TRIM69: variants seen among roughly 807,000 people sequenced by gnomAD.
TRIM69 encodes the protein E3 ubiquitin-protein ligase TRIM69.
In TRIM69, 29 loss-of-function variants were observed where a neutral mutation model predicts 37.7. That is an observed-to-expected ratio of 0.77 (90% CI 0.57 to 1.05). The LOEUF is 1.05. Among genes scored for constraint, TRIM69 ranks in the 50% least tolerant of loss-of-function variants. The probability of loss-of-function intolerance (pLI) is 0.00; values close to 1 mark genes in which losing one functional copy is unlikely to be tolerated. For missense variants in TRIM69, 596 were observed against 579.9 expected (o/e 1.03, Z -0.28); for synonymous variants, 209 against 212.4 (o/e 0.98, Z 0.14).
rs144379917 is a variant in TRIM69, at chr15:44,755,033, G to C, written c.140G>C (p.Trp47Ser). The C allele has an allele frequency of 9.3e-6, 15 of 1,614,210 alleles. No homozygotes were observed. Among genetic ancestry groups the C allele is most frequent in the Non-Finnish European group, 1.3e-5 (15 of 1,180,020 alleles). ...MELHCPLCND[W>S]FRDPLMLSCG... is the part of the protein sequence containing the mutation. ...CTACACTGCCCTCTGTGCAATGATT[G>C]GTTCCGAGACCCACTGATGCTAAGC... The change falls in exon 2 of 7, where the codon TGG (tryptophan) becomes TCG (serine). Residue 47 changes from tryptophan to serine, a missense_variant. Trp to Ser is a radical substitution (Grantham distance 177). Transcript: ENST00000329464.
In TRIM69 at chr15:44,759,860, ACT is replaced by A; in HGVS notation, c.954_955del (p.Cys319ProfsTer11). ...QYMVWREMQD[T>X]LCPGLSPLTL... The stretch of plus-strand genomic sequence containing the variant: ...CATGGTATGGAGGGAAATGCAGGAC[ACT>A]CTCTGCCCAGGTATCAGTGGGTAGT... On this transcript the variant is annotated frameshift_variant, in exon 6 of 7. Coordinates refer to ENST00000329464, the MANE Select transcript of TRIM69 (RefSeq NM_182985.5). LOFTEE classifies it low-confidence loss of function (END_TRUNC). The A allele has an allele frequency of 6.2e-7, 1 of 1,612,506 alleles. No homozygotes were observed. Among genetic ancestry groups the A allele is most frequent in the Non-Finnish European group, 8.5e-7 (1 of 1,178,768 alleles).
chr15:44,751,124 T>G (rs1310731402), intron 1 of TRIM69, among the ~76,000 whole-genome samples: 2 of 150,690 alleles, frequency 1.3e-5, no homozygotes, highest in Non-Finnish European at 3.0e-5. Context: ...CTAACTTTTT[T>G]TTTTCTTTTT....
At chr15:44,744,281 G>A (rs2087355258) in intron 1 of TRIM69, among the ~76,000 whole-genome samples, 1 of 124,576 alleles carries the variant, frequency 8.0e-6, no homozygotes, top group African/African-American at 3.1e-5. Flanking sequence ...ACAGGAAGGG[G>A]AACATCACAC....
At chr15:44,754,827 T>C (rs1450693635) in intron 1 of TRIM69, 73 bp from the exon 2 acceptor site, 2 of 1,135,042 alleles carry the variant, frequency 1.8e-6, no homozygotes, top group African/African-American at 1.5e-5. Flanking sequence ...CCTTTAGGAA[T>C]GGCGCCATCA....
intron 6 of TRIM69, among the ~76,000 whole-genome samples, chr15:44,764,573 C>A (rs1019201851): frequency 6.6e-6 from 1 of 152,156 alleles, no homozygotes. Context: ...GTTGCTGCTA[C>A]TTAACTCTGC....
At chr15:44,756,255 T>G (rs767453521) in intron 2 of TRIM69, 113 bp from the exon 3 acceptor site, 27 of 678,374 alleles carry the variant, frequency 4.0e-5, no homozygotes, top group Non-Finnish European at 6.9e-5. Context: ...AAGGGGAAGA[T>G]TTTTGCAGCA....
At chr15:44,738,143 C>G (rs1344953643) in intron 1 of TRIM69, among the ~76,000 whole-genome samples, 1 of 150,816 alleles carries the variant, frequency 6.6e-6, no homozygotes, top group Non-Finnish European at 1.5e-5. Flanking sequence ...ACTGCAACCT[C>G]CGCTTCCAGG....
At chr15:44,760,154 T>G (rs2087746053) in intron 6 of TRIM69, among the ~76,000 whole-genome samples, 1 of 152,252 alleles carries the variant, frequency 6.6e-6, no homozygotes, top group Non-Finnish European at 1.5e-5. Context: ...AAATTTTATC[T>G]TGTTTTGCTA....
At chr15:44,759,982 G>C (rs1216235920) in intron 6 of TRIM69, 110 bp downstream of exon 6, 1 of 1,312,480 alleles carries the variant, frequency 7.6e-7, no homozygotes, top group Non-Finnish European at 1.0e-6. Context: ...TAGGGAAGGG[G>C]TACAGTTTGG....
At chr15:44,760,348 C>T (rs961785039) in intron 6 of TRIM69, among the ~76,000 whole-genome samples, 11 of 152,136 alleles carry the variant, frequency 7.2e-5, no homozygotes, top group African/African-American at 2.6e-4. Flanking sequence ...ATAAACATAC[C>T]TAAGAAGGAC....
In TRIM69 at chr15:44,755,381, G is replaced by T. The variant is rs751740010; in HGVS notation, c.483+5G>T. On this transcript the variant is annotated splice_donor_5th_base_variant and intron_variant, in intron 2 of 6. Transcript: ENST00000329464. The stretch of plus-strand genomic sequence containing the variant: ...GATGCTGTCCATTTCTTCACGGTGG[G>T]TGAGCCCTGGGCCTTGAACAATCCC... 11 of 1,602,946 alleles carry T rather than the reference G, an allele frequency of 6.9e-6. No individual in the cohort carries two copies. In the African/African-American group the frequency reaches 1.5e-4, roughly 21 times the overall value.
In TRIM69 at chr15:44,758,613, G is replaced by T; in HGVS notation, c.580-8G>T. 1.2e-6 allele frequency: 2 copies of T among 1,613,864 alleles called. No individual in the cohort carries two copies. The highest frequency in any genetic ancestry group is 2.7e-5 in the African/African-American group (2 of 75,034). The stretch of plus-strand genomic sequence containing the variant: ...AATAACCATGGTGATAATCATGGAG[G>T]TTTCCAGGAAAACAAGCTACATCTG... On this transcript the variant is annotated splice_region_variant and splice_polypyrimidine_tract_variant and intron_variant, in intron 3 of 6. Coordinates refer to ENST00000329464, the MANE Select transcript of TRIM69 (RefSeq NM_182985.5).
At chr15:44,767,084 A>AAAAAAAAAAAAAAAAT in intron 6 of TRIM69, 147 bp from the exon 7 acceptor site, 1 of 386,860 alleles carries the variant, frequency 2.6e-6, no homozygotes, top group Non-Finnish European at 4.5e-6. Context: ...AAAAAAAAAA[A>AAAAAAAAAAAAAAAAT]GCATATAAGT....
In TRIM69 at chr15:44,742,643, C is replaced by G. The variant is rs1189975659; in HGVS notation, c.6+5933C>G. ...AGTCTCAGGACACAAAATCAATGTA[C>G]AAAAATCACAAGCATTCTTATACAC... On this transcript the variant is annotated intron_variant, in intron 1 of 6. Coordinates refer to ENST00000329464, the MANE Select transcript of TRIM69 (RefSeq NM_182985.5). 2.5e-3 allele frequency among the ~76,000 whole-genome samples: 72 copies of G among 29,096 alleles called. 31 individuals are homozygous for G. The highest frequency in any genetic ancestry group is 1.9e-3 in the Non-Finnish European group (11 of 5,686). The allele number at this position is 29,096 out of a possible 152,430, so 19.1% of individuals were successfully genotyped here. A position where few individuals can be genotyped will look rare whatever the true frequency, so the allele number is the denominator to read the frequency against.
intron 3 of TRIM69, chr15:44,757,306 TA>T (rs2087671881): frequency 6.6e-6 from 1 of 152,066 alleles, no homozygotes; most frequent in Admixed American, 6.6e-5. Flanking sequence ...AATAATAAAA[TA>T]ACAACTGTGA....
At chr15:44,763,340 G>A (rs2087817703) in intron 6 of TRIM69, among the ~76,000 whole-genome samples, 1 of 152,206 alleles carries the variant, frequency 6.6e-6, no homozygotes, top group Admixed American at 6.5e-5. Flanking sequence ...GGGAGAGGAA[G>A]ACAGTAGCAT....
intron 1 of TRIM69, among the ~76,000 whole-genome samples, chr15:44,738,241 T>TC (rs1442395712): frequency 1.3e-5 from 2 of 148,924 alleles, no homozygotes; most frequent in Non-Finnish European, 3.0e-5. Context: ...GTATTATTAT[T>TC]TTTTTTTTTA....
Position 44,767,473 on chromosome 15 carries a change from A to C in TRIM69, c.1204A>C (p.Lys402Gln), listed in dbSNP as rs1364228295. The stretch of plus-strand genomic sequence containing the variant: ...AGTTGTCAGAGAATCCATCATTCGG[A>C]AGGGCAGCTGTCCTCTAACTCCTGA... ...VGVVRESIIR[K>Q]GSCPLTPEQG... The change falls in exon 7 of 7, where the codon AAG becomes CAG. Residue 402 changes from lysine (K) to glutamine (Q), a missense_variant. Coordinates refer to ENST00000329464, the MANE Select transcript of TRIM69 (RefSeq NM_182985.5). 6.2e-7 allele frequency: 1 copy of C among 1,614,084 alleles called. No individual in the cohort carries two copies. Among genetic ancestry groups the C allele is most frequent in the African/African-American group, 1.3e-5 (1 of 74,932 alleles).
chr15:44,763,687 C>A (rs1168156831), intron 6 of TRIM69, among the ~76,000 whole-genome samples: 1 of 152,122 alleles, frequency 6.6e-6, no homozygotes, highest in Non-Finnish European at 1.5e-5. Flanking sequence ...CTGATGAATT[C>A]ATATTGGTGA....
Sources: gnomAD v4.1 joint callset for allele counts (sites outside exome capture counted in the v4.1 genomes callset) on GRCh38, gnomAD v4.1.1 for gene constraint, MANE v1.5 for transcripts, NCBI Gene and HGNC (gene_info 2026-07-23, HGNC 2026-07-21) for gene names.